Variants in CSMD1 observed in about 807,000 individuals in gnomAD.
CSMD1 encodes the protein CUB and sushi domain-containing protein 1.
CSMD1 carries 213 observed loss-of-function variants against 417.5 expected under a neutral mutation model. The ratio of observed to expected loss-of-function variants is 0.51; its 90% confidence interval spans 0.46 to 0.57. The LOEUF (loss-of-function observed/expected upper bound fraction) is 0.57, where lower values mean the gene tolerates loss of function less well. Ranked by LOEUF, CSMD1 falls within the 20% of genes least tolerant of loss-of-function variation. The pLI is 0.00. For synonymous variants in CSMD1, 2,862 were observed against 1,736.8 expected, an observed-to-expected ratio of 1.65 and a Z score of -16.11; for missense variants, 6,923 against 4,529.7, an observed-to-expected ratio of 1.53 and a Z score of -15.17.
intron 5 of CSMD1, among the ~76,000 whole-genome samples, chr8:3,871,854 G>C (rs1385476078): frequency 2.0e-5 from 3 of 152,256 alleles, no homozygotes; most frequent in East Asian, 1.9e-4. Context: ...TGTGAGCCAA[G>C]AACTCCCTTC....
intron 5 of CSMD1, among the ~76,000 whole-genome samples, chr8:3,757,094 T>A (rs1434741001): frequency 1.3e-5 from 2 of 152,178 alleles, no homozygotes; most frequent in Non-Finnish European, 2.9e-5. Flanking sequence ...TGAACCACTG[T>A]GCCAGCCTGG....
At chr8:4,585,890 A>G (rs146606351) in intron 2 of CSMD1, among the ~76,000 whole-genome samples, 1 of 152,352 alleles carries the variant, frequency 6.6e-6, no homozygotes, top group Non-Finnish European at 1.5e-5. Flanking sequence ...ATAAACAGCA[A>G]TACAAAATGT....
At chr8:4,473,548 T>C (rs1241459624) in intron 2 of CSMD1, among the ~76,000 whole-genome samples, 1 of 152,232 alleles carries the variant, frequency 6.6e-6, no homozygotes, top group Non-Finnish European at 1.5e-5. Context: ...CTTTTTCTTG[T>C]ACTTCTGCCT....
At chr8:4,338,535 G>C (rs1448614621) in intron 3 of CSMD1, among the ~76,000 whole-genome samples, 1 of 151,954 alleles carries the variant, frequency 6.6e-6, no homozygotes, top group Non-Finnish European at 1.5e-5. Flanking sequence ...GCTTTTTCTA[G>C]TTTACTCTAT....
intron 2 of CSMD1, among the ~76,000 whole-genome samples, chr8:4,439,831 C>T (rs1211825471): frequency 6.6e-6 from 1 of 152,124 alleles, no homozygotes; most frequent in Non-Finnish European, 1.5e-5. Context: ...ATTAAAGGCA[C>T]TAATACAGAA....
chr8:4,041,197 T>C (rs1797875641), intron 3 of CSMD1, among the ~76,000 whole-genome samples: 1 of 151,936 alleles, frequency 6.6e-6, no homozygotes. Flanking sequence ...TTTTGTATTT[T>C]TGGTAGAGAC....
At chr8:3,229,628 A>T (rs1798714700) in intron 27 of CSMD1, among the ~76,000 whole-genome samples, 1 of 152,194 alleles carries the variant, frequency 6.6e-6, no homozygotes, top group Non-Finnish European at 1.5e-5. Context: ...CTAATATCAT[A>T]GGGGGAAAAA....
At chr8:4,922,595 G>A (rs1013291365) in intron 1 of CSMD1, among the ~76,000 whole-genome samples, 2 of 152,072 alleles carry the variant, frequency 1.3e-5, no homozygotes, top group South Asian at 4.1e-4. Context: ...TATTGATAGC[G>A]CTCATGAGAG....
chr8:3,226,372 C>T (rs564599062), intron 27 of CSMD1, among the ~76,000 whole-genome samples: 1 of 151,994 alleles, frequency 6.6e-6, no homozygotes, highest in African/African-American at 2.4e-5. Flanking sequence ...CATCTGAGGG[C>T]AGGAGTTCGA....
intron 18 of CSMD1, among the ~76,000 whole-genome samples, chr8:3,370,611 G>A (rs551417490): frequency 7.9e-5 from 12 of 152,348 alleles, no homozygotes; most frequent in African/African-American, 2.6e-4. Flanking sequence ...TCAGTGGACT[G>A]AGTGAAGATT....
At chr8:3,945,178 C>CAAAAAAAAAAAAAA (rs138900503) in intron 5 of CSMD1, among the ~76,000 whole-genome samples, 3 of 118,940 alleles carry the variant, frequency 2.5e-5, no homozygotes, top group East Asian at 2.4e-4. Context: ...ATGAGAAAGA[C>CAAAAAAAAAAAAAA]AAAAAAAAAA....
intron 2 of CSMD1, among the ~76,000 whole-genome samples, chr8:4,445,521 TTTG>T (rs1798730793): frequency 1.3e-5 from 2 of 152,322 alleles, no homozygotes; most frequent in South Asian, 4.1e-4. Context: ...CTTCATTGGT[TTTG>T]TTTTCATTTG....
chr8:3,812,267 T>G (rs755697537), intron 5 of CSMD1, among the ~76,000 whole-genome samples: 3 of 152,184 alleles, frequency 2.0e-5, no homozygotes, highest in Non-Finnish European at 2.9e-5. Flanking sequence ...AAAATAATAA[T>G]GCATTGTTTT....
intron 52 of CSMD1, among the ~76,000 whole-genome samples, chr8:3,008,890 T>A (rs1585140329): frequency 1.3e-5 from 2 of 152,140 alleles, no homozygotes; most frequent in South Asian, 4.1e-4. Context: ...TACCTTCACA[T>A]CATAACGCAC....
intron 2 of CSMD1, among the ~76,000 whole-genome samples, chr8:4,501,683 G>C (rs906673747): frequency 1.3e-5 from 2 of 152,160 alleles, no homozygotes; most frequent in African/African-American, 2.4e-5. Context: ...TCATTCCTTT[G>C]TCCAGTGGAT....
chr8:4,200,885 C>A (rs1004298275), intron 3 of CSMD1, among the ~76,000 whole-genome samples: 1 of 152,190 alleles, frequency 6.6e-6, no homozygotes, highest in Non-Finnish European at 1.5e-5. Flanking sequence ...AATAATAACA[C>A]ATCTTTAAGA....
chr8:4,564,252 G>A (rs908584654), intron 2 of CSMD1, among the ~76,000 whole-genome samples: 2 of 152,118 alleles, frequency 1.3e-5, no homozygotes, highest in African/African-American at 2.4e-5. Flanking sequence ...TATCCTTACA[G>A]ATAACAGTTT....
chr8:3,197,155 C>T (rs1390276454), intron 33 of CSMD1, among the ~76,000 whole-genome samples: 4 of 152,216 alleles, frequency 2.6e-5, no homozygotes, highest in Non-Finnish European at 5.9e-5. Context: ...ATCATTAATT[C>T]TGTCTTCACA....
chr8:3,272,658 G>C (rs1217582868), intron 26 of CSMD1, among the ~76,000 whole-genome samples: 1 of 138,828 alleles, frequency 7.2e-6, no homozygotes, highest in Non-Finnish European at 1.6e-5. Context: ...TCCCTTGTAA[G>C]TTGGATTCCT....
Sources: gnomAD v4.1 joint callset for allele counts (sites outside exome capture counted in the v4.1 genomes callset) on GRCh38, gnomAD v4.1.1 for gene constraint, MANE v1.5 for transcripts, NCBI Gene and HGNC (gene_info 2026-07-23, HGNC 2026-07-21) for gene names.